ZNF354A: variants seen among roughly 807,000 people sequenced by gnomAD.
ZNF354A encodes the protein zinc finger protein 354A, also known as epididymis luminal protein 104.
In ZNF354A, 25 loss-of-function variants were observed where a neutral mutation model predicts 53.3. The ratio of observed to expected loss-of-function variants is 0.47; its 90% CI spans 0.34 to 0.66. The LOEUF (loss-of-function observed/expected upper bound fraction) is 0.66. Among genes scored for constraint, ZNF354A ranks in the 30% least tolerant of loss-of-function variants. The pLI, the probability that ZNF354A is intolerant of heterozygous loss-of-function variation, is 0.01. For synonymous variants in ZNF354A, 228 were observed against 249.0 expected (o/e 0.92, Z 0.79); for missense variants, 586 against 716.8 (o/e 0.82, Z 2.08).
intron 4 of ZNF354A, among the ~76,000 whole-genome samples, chr5:178,714,221 C>T (rs1765676192): frequency 1.3e-5 from 2 of 151,994 alleles, no homozygotes; most frequent in South Asian, 4.1e-4. Flanking sequence ...GCCAGGCTGG[C>T]CTTGAACTCC....
chr5:178,717,077 CAAA>C (rs5873633), intron 4 of ZNF354A, among the ~76,000 whole-genome samples: 10 of 65,522 alleles, frequency 1.5e-4, no homozygotes, highest in East Asian at 4.1e-4. Flanking sequence ...GACTCCATCT[CAAA>C]AAAAAAAAAA....
At chr5:178,726,791 A>G (rs1359913563) in intron 3 of ZNF354A, among the ~76,000 whole-genome samples, 1 of 152,196 alleles carries the variant, frequency 6.6e-6, no homozygotes, top group Non-Finnish European at 1.5e-5. Context: ...AATGATTATC[A>G]ATACCACCTC....
chr5:178,717,129 C>G lies in ZNF354A; in HGVS notation c.257-3508G>C, dbSNP rs78291398. On this transcript the variant is annotated intron_variant, in intron 4 of 4. Coordinates refer to ENST00000335815, the MANE Select transcript of ZNF354A (RefSeq NM_005649.3). ...AAAAATAAAAAACAAAAGAGTGGAGCAGGAGGTGGGGGACAAATCCTCTAA... is the reference window on the plus strand; with the variant it reads ...AAAAATAAAAAACAAAAGAGTGGAGGAGGAGGTGGGGGACAAATCCTCTAA... 6.8e-5 allele frequency among the ~76,000 whole-genome samples: 10 copies of G among 147,630 alleles called. No homozygotes were observed. The East Asian group carries it at 2.0e-3, about 29-fold the overall frequency.
rs775380779 is a variant in ZNF354A, at chr5:178,726,983, G to T, written c.160+16C>A. 27 of 1,593,772 alleles carry T rather than the reference G, an allele frequency of 1.7e-5. No homozygotes were observed. Among genetic ancestry groups the T allele is most frequent in the Admixed American group, 3.6e-5 (2 of 55,692 alleles). The stretch of plus-strand genomic sequence containing the variant: ...CCAATTTTTGAATTCTGTTTCTAGA[G>T]GGAAAATTTCCTTACCCAGTGAGAC... On this transcript the variant is annotated intron_variant, in intron 3 of 4. Coordinates refer to ENST00000335815, the MANE Select transcript of ZNF354A (RefSeq NM_005649.3).
chr5:178,719,676 G>C (rs190862884), intron 4 of ZNF354A, among the ~76,000 whole-genome samples: 1 of 152,026 alleles, frequency 6.6e-6, no homozygotes, highest in Non-Finnish European at 1.5e-5. Flanking sequence ...GGCCGGGCGC[G>C]GTGGCTCACG....
chr5:178,714,357 C>T (rs1438109436), intron 4 of ZNF354A, among the ~76,000 whole-genome samples: 2 of 152,122 alleles, frequency 1.3e-5, no homozygotes, highest in Non-Finnish European at 2.9e-5. Flanking sequence ...GTCAAATTCC[C>T]TTATATCCTT....
intron 3 of ZNF354A, 76 bp from the exon 4 acceptor site, chr5:178,725,547 T>C: frequency 6.9e-7 from 1 of 1,454,274 alleles, no homozygotes; most frequent in South Asian, 1.2e-5. Flanking sequence ...CAAATTTAAA[T>C]ACAGAACTCA....
intron 2 of ZNF354A, among the ~76,000 whole-genome samples, chr5:178,728,407 T>C (rs539958795): frequency 2.0e-5 from 3 of 152,246 alleles, no homozygotes; most frequent in East Asian, 1.9e-4. Flanking sequence ...GTTATATATA[T>C]TTTGCCACAA....
rs143749554 is a variant in ZNF354A, at chr5:178,720,552, G to A, written c.256+4824C>T. Among the ~76,000 whole-genome samples, 75 of 152,272 alleles carry A rather than the reference G, an allele frequency of 4.9e-4. No individual in the cohort carries two copies. In the East Asian group the frequency reaches 0.012, roughly 25 times the overall value. ...CACGGAGATCTCCAAGTTGGCCATC[G>A]CTACAAGCTAGCAAAAGGCAAGGAA... On this transcript the variant is annotated intron_variant, in intron 4 of 4. Transcript: ENST00000335815.
intron 4 of ZNF354A, among the ~76,000 whole-genome samples, chr5:178,720,200 T>C (rs1260199020): frequency 6.6e-6 from 1 of 152,222 alleles, no homozygotes; most frequent in Non-Finnish European, 1.5e-5. Flanking sequence ...GTGTGAATTG[T>C]ACAGTGAATC....
chr5:178,726,163 T>C, intron 3 of ZNF354A: 2 of 454,688 alleles, frequency 4.4e-6, no homozygotes, highest in South Asian at 3.1e-5. Flanking sequence ...CTTTTAAGGA[T>C]GGCAGTGATC....
At position 178,713,573 on chromosome 5, in the gene ZNF354A, G is replaced by A. The variant is rs986043840; in HGVS notation, c.305C>T (p.Ser102Phe). Residue 102 changes from serine (S) to phenylalanine (F), a missense_variant, in exon 5 of 5, where the codon TCT becomes TTT. Around this residue, in one of 2 missense-constraint regions of ZNF354A, gnomAD observed 573 missense variants for 680.1 expected, o/e 0.84. Transcript: ENST00000335815. Reference protein sequence around the residue: ...KTTKSTQTQDSSFQGLILKRS... With the variant: ...KTTKSTQTQDFSFQGLILKRS... ...TTTCAGTATCAGTCCCTGAAATGAA[G>A]AGTCTTGTGTTTGCGTTGACTTTGT... The A allele has an allele frequency of 6.3e-7, 1 of 1,596,724 alleles. No homozygotes were observed. The highest frequency in any genetic ancestry group is 8.5e-7 in the Non-Finnish European group (1 of 1,176,244).
intron 4 of ZNF354A, among the ~76,000 whole-genome samples, chr5:178,723,517 T>C (rs186430636): frequency 2.0e-5 from 3 of 152,368 alleles, no homozygotes; most frequent in Non-Finnish European, 4.4e-5. Flanking sequence ...CACCTTTCTT[T>C]AGGCCTGAGC....
Position 178,713,241 on chromosome 5 carries a change from G to A in ZNF354A, c.637C>T (p.Arg213Cys), listed in dbSNP as rs147805374. 9.6e-4 allele frequency: 1,549 copies of A among 1,614,090 alleles called. 1 individual carries two copies. Among genetic ancestry groups the A allele is most frequent in the Non-Finnish European group, 1.2e-3 (1,375 of 1,180,000 alleles). Residue 213 changes from arginine to cysteine, a missense_variant, in exon 5 of 5, where the codon CGC becomes TGC. Transcript: ENST00000335815. ...TTTTCACACAGACTACATTTATAGC[G>A]TTTATCTGCTGTAATTTTTGGTTGA... ...LNQPKITADK[R>C]YKCSLCEKTF...
At chr5:178,721,153 T>C (rs1765805068) in intron 4 of ZNF354A, among the ~76,000 whole-genome samples, 1 of 152,328 alleles carries the variant, frequency 6.6e-6, no homozygotes, top group South Asian at 2.1e-4. Context: ...TTTTTTTCTT[T>C]TGCTTTTATC....
chr5:178,712,919 T>C lies in ZNF354A; in HGVS notation c.959A>G (p.His320Arg), dbSNP rs774127845. The change falls in exon 5 of 5, where the codon CAT (histidine) becomes CGT (arginine). Residue 320 changes from histidine (H) to arginine (R), a missense_variant. By Grantham distance (29) the His-to-Arg change is conservative. Around this residue, in one of 2 missense-constraint regions of ZNF354A, gnomAD observed 573 missense variants for 680.1 expected, o/e 0.84. Coordinates refer to ENST00000335815, the MANE Select transcript of ZNF354A (RefSeq NM_005649.3). Reference sequence around the variant, plus strand: ...ATACTTACAAGGGTTTTCTTCAGCATGAATTTTTTGATGTATAAAAAGGCC... The same window carrying C: ...ATACTTACAAGGGTTTTCTTCAGCACGAATTTTTTGATGTATAAAAAGGCC... Reference protein sequence around the residue: ...RSGLFIHQKIHAEENPCKYNP... With the variant: ...RSGLFIHQKIRAEENPCKYNP... The C allele has an allele frequency of 4.3e-6, 7 of 1,614,168 alleles. No individual in the cohort carries two copies. The highest frequency in any genetic ancestry group is 5.9e-6 in the Non-Finnish European group (7 of 1,180,020).
At position 178,727,085 on chromosome 5, in the gene ZNF354A, C is replaced by T. The variant is rs142465132; in HGVS notation, c.74G>A (p.Arg25Gln). Reference protein sequence around the residue: ...TFEDVAVLFTRDEWRKLAPSQ... With the variant: ...TFEDVAVLFTQDEWRKLAPSQ... ...AGGGGCCAGCTTTCTCCACTCATCTCGGGTAAACAGCACAGCCACATCCTC... is the reference window on the plus strand; with the variant it reads ...AGGGGCCAGCTTTCTCCACTCATCTTGGGTAAACAGCACAGCCACATCCTC... Residue 25 changes from arginine (R) to glutamine (Q), a missense_variant, in exon 3 of 5, where the codon CGA (arginine) becomes CAA (glutamine). By Grantham distance (43) the Arg-to-Gln change is conservative. This residue lies in a region of ZNF354A where 13 missense variants were observed against 36.7 expected (regional missense o/e 0.35). Transcript: ENST00000335815. 1.2e-3 allele frequency: 1,910 copies of T among 1,614,122 alleles called. 11 individuals carry two copies. Among genetic ancestry groups the T allele is most frequent in the Non-Finnish European group, 1.1e-3 (1,328 of 1,180,000 alleles).
intron 4 of ZNF354A, among the ~76,000 whole-genome samples, chr5:178,715,964 T>G (rs947595438): frequency 2.0e-5 from 3 of 150,930 alleles, no homozygotes; most frequent in African/African-American, 4.9e-5. Context: ...TGGCGCGACC[T>G]CGGCTCACTG....
Position 178,725,466 on chromosome 5 carries a change from G to C in ZNF354A, c.166C>G (p.Pro56Ala), listed in dbSNP as rs757915258. The change falls in exon 4 of 5, where the codon CCA becomes GCA. Residue 56 changes from proline (P) to alanine (A), a missense_variant. Physicochemically the swap from Pro to Ala is conservative, Grantham distance 27 (BLOSUM62 -1). This residue lies in a region of ZNF354A where 573 missense variants were observed against 680.1 expected (regional missense o/e 0.84). Transcript: ENST00000335815. ...NYRNLVSLGL[P>A]FTKPKVISLL... ...GAGATCACTTTTGGTTTGGTAAATGGGAGCCCTGCACATAAACAAAAAACC... is the reference window on the plus strand; with the variant it reads ...GAGATCACTTTTGGTTTGGTAAATGCGAGCCCTGCACATAAACAAAAAACC... The C allele has an allele frequency of 6.2e-7, 1 of 1,613,994 alleles. No homozygotes were observed. Among genetic ancestry groups the C allele is most frequent in the Non-Finnish European group, 8.5e-7 (1 of 1,179,942 alleles).
Sources: allele counts gnomAD v4.1 joint callset (sites outside exome capture counted in the v4.1 genomes callset), GRCh38; gene constraint gnomAD v4.1.1; regional missense constraint gnomAD v4.1.1; transcripts MANE v1.5; gene names NCBI Gene and HGNC (gene_info 2026-07-23, HGNC 2026-07-21).